MRPS28: variants seen among roughly 807,000 people sequenced by gnomAD.
MRPS28 encodes small ribosomal subunit protein bS1m.
In MRPS28, 7 loss-of-function variants were observed where a neutral mutation model predicts 10.8. That is an observed-to-expected ratio of 0.65 (90% CI 0.37 to 1.22). The LOEUF is 1.22. Ranked by LOEUF, MRPS28 falls within the 50% of genes most tolerant of loss-of-function variation. MRPS28 has a pLI of 0.02. For missense variants in MRPS28, 265 were observed against 232.9 expected, an observed-to-expected ratio of 1.14 and a Z score of -0.90; for synonymous variants, 121 against 93.3, an observed-to-expected ratio of 1.30 and a Z score of -1.71.
At chr8:79,950,957 C>G (rs146815576) in intron 2 of MRPS28, among the ~76,000 whole-genome samples, 1 of 152,162 alleles carries the variant, frequency 6.6e-6, no homozygotes, top group Non-Finnish European at 1.5e-5. Context: ...ACCACTCCCC[C>G]CCACCTCCAT....
intron 2 of MRPS28, 62 bp from the exon 3 acceptor site, chr8:79,919,210 T>C (rs1352368465): frequency 7.8e-7 from 1 of 1,279,762 alleles, no homozygotes; most frequent in Non-Finnish European, 1.0e-6. Flanking sequence ...ACAACTAGTT[T>C]AATAACAACA....
intron 2 of MRPS28, among the ~76,000 whole-genome samples, chr8:79,942,515 TGTATCC>T (rs1476611986): frequency 2.0e-5 from 3 of 152,184 alleles, no homozygotes; most frequent in African/African-American, 7.2e-5. Flanking sequence ...AGGCAATATT[TGTATCC>T]ATGTGATTCC....
chr8:79,983,973 C>G (rs1267034833), intron 2 of MRPS28, among the ~76,000 whole-genome samples: 1 of 152,072 alleles, frequency 6.6e-6, no homozygotes, highest in Admixed American at 6.5e-5. Flanking sequence ...ACATAATTGT[C>G]AGATTCACCA....
At chr8:79,960,645 ATTAG>A (rs1807351606) in intron 2 of MRPS28, among the ~76,000 whole-genome samples, 1 of 152,098 alleles carries the variant, frequency 6.6e-6, no homozygotes, top group Non-Finnish European at 1.5e-5. Flanking sequence ...GCTTAGTTTT[ATTAG>A]TTAGGATTTA....
intron 2 of MRPS28, among the ~76,000 whole-genome samples, chr8:79,983,736 G>C (rs894993145): frequency 3.9e-5 from 6 of 152,072 alleles, no homozygotes; most frequent in African/African-American, 1.4e-4. Context: ...AAAGAATAAA[G>C]AGAAACGAAC....
rs552327712 is a variant in MRPS28 at position 79,954,923 on chromosome 8, C to T, written c.396-35775G>A. ...GCTGAGGCAGGAGAATTGCTTGAACCCAGGAGGCAGAGGTTACAGTAAGCT... is the reference window on the plus strand; with the variant it reads ...GCTGAGGCAGGAGAATTGCTTGAACTCAGGAGGCAGAGGTTACAGTAAGCT... On this transcript the variant is annotated intron_variant, in intron 2 of 2. Coordinates refer to ENST00000276585, the MANE Select transcript of MRPS28 (RefSeq NM_014018.3). Among the ~76,000 whole-genome samples the T allele has an allele frequency of 3.3e-5, 5 of 152,154 alleles. No individual in the cohort carries two copies. The South Asian group carries it at 1.0e-3, about 32-fold the overall frequency.
chr8:79,946,383 T>C (rs1003786638), intron 2 of MRPS28, among the ~76,000 whole-genome samples: 1 of 152,150 alleles, frequency 6.6e-6, no homozygotes, highest in East Asian at 1.9e-4. Context: ...TTCTTGTATG[T>C]ACTAATGAAA....
chr8:79,952,250 T>C (rs1448762428), intron 2 of MRPS28, among the ~76,000 whole-genome samples: 1 of 152,214 alleles, frequency 6.6e-6, no homozygotes, highest in African/African-American at 2.4e-5. Flanking sequence ...AGAAACAATT[T>C]TGTTCATATC....
At chr8:79,967,273 GCTT>G (rs1586064797) in intron 2 of MRPS28, among the ~76,000 whole-genome samples, 1 of 152,242 alleles carries the variant, frequency 6.6e-6, no homozygotes, top group East Asian at 1.9e-4. Flanking sequence ...ATGTCTGCAT[GCTT>G]CTTCTTTCTT....
At chr8:80,004,923 A>G (rs1808784762) in intron 1 of MRPS28, among the ~76,000 whole-genome samples, 1 of 152,060 alleles carries the variant, frequency 6.6e-6, no homozygotes, top group Non-Finnish European at 1.5e-5. Flanking sequence ...AAGTGAGAAG[A>G]GAAGTTTAGA....
chr8:79,926,002 AAAAAAAAG>A (rs956447269), intron 2 of MRPS28, among the ~76,000 whole-genome samples: 2 of 151,954 alleles, frequency 1.3e-5, no homozygotes, highest in African/African-American at 2.4e-5. Context: ...GAAAAGAAAA[AAAAAAAAG>A]AAAAAAAGAG....
chr8:79,977,669 T>C (rs1160475786), intron 2 of MRPS28, among the ~76,000 whole-genome samples: 1 of 151,938 alleles, frequency 6.6e-6, no homozygotes, highest in Non-Finnish European at 1.5e-5. Context: ...ATACAAAAAT[T>C]AGCCAGGTGT....
intron 2 of MRPS28, among the ~76,000 whole-genome samples, chr8:79,982,311 G>C (rs1017893681): frequency 6.6e-6 from 1 of 152,210 alleles, no homozygotes; most frequent in Non-Finnish European, 1.5e-5. Context: ...GAACAGATCC[G>C]GTCTACAGCT....
chr8:80,011,350 T>A (rs1317439762), intron 1 of MRPS28, among the ~76,000 whole-genome samples: 1 of 151,950 alleles, frequency 6.6e-6, no homozygotes, highest in African/African-American at 2.4e-5. Context: ...ACTCCACTTT[T>A]ATGGTTGATA....
rs141636691 is a variant in MRPS28 at position 80,020,118 on chromosome 8, T to C, written c.213+9918A>G. Among the ~76,000 whole-genome samples the C allele has an allele frequency of 5.0e-3, 767 of 152,294 alleles. 5 individuals carry two copies. The highest frequency in any genetic ancestry group is 0.017 in the African/African-American group (707 of 41,558). On this transcript the variant is annotated intron_variant, in intron 1 of 2. Transcript: ENST00000276585. ...CCAGGTCATAGGTAGATTTAAAGAT[T>C]TTCTGATTGGCAATTGGTTGAAAGG...
At chr8:80,027,683 G>A (rs767738564) in intron 1 of MRPS28, among the ~76,000 whole-genome samples, 33 of 152,208 alleles carry the variant, frequency 2.2e-4, no homozygotes, top group Non-Finnish European at 1.0e-4. Context: ...AGGGGTTCAC[G>A]TAAACTTCAA....
At chr8:79,956,140 G>A (rs921234246) in intron 2 of MRPS28, among the ~76,000 whole-genome samples, 1 of 152,132 alleles carries the variant, frequency 6.6e-6, no homozygotes, top group Admixed American at 6.5e-5. Flanking sequence ...GGCTTTTGCT[G>A]TTATGAATAG....
At chr8:79,929,425 C>T (rs763323399) in intron 2 of MRPS28, among the ~76,000 whole-genome samples, 2 of 152,022 alleles carry the variant, frequency 1.3e-5, no homozygotes, top group Non-Finnish European at 2.9e-5. Context: ...CATTGATAAT[C>T]GGAACCTATC....
At chr8:79,993,465 A>G (rs1586083323) in intron 2 of MRPS28, among the ~76,000 whole-genome samples, 1 of 152,162 alleles carries the variant, frequency 6.6e-6, no homozygotes, top group East Asian at 1.9e-4. Flanking sequence ...AAATCAATCC[A>G]AAAGAATTTT....
Sources: gnomAD v4.1 joint callset for allele counts (sites outside exome capture counted in the v4.1 genomes callset) on GRCh38, gnomAD v4.1.1 for gene constraint, MANE v1.5 for transcripts, NCBI Gene and HGNC (gene_info 2026-07-23, HGNC 2026-07-21) for gene names.